ANK2: variants seen among roughly 807,000 people sequenced by gnomAD.
The protein encoded by ANK2 is ankyrin 2, also known as ankyrin-2.
ANK2 carries 83 observed loss-of-function variants against 360.5 expected under a neutral mutation model. The observed-to-expected ratio is 0.23, with a 90% CI of 0.19 to 0.28. The LOEUF (loss-of-function observed/expected upper bound fraction) is 0.28. ANK2 is among the 10% of genes least tolerant of loss of function. The probability of loss-of-function intolerance (pLI) is 1.00; values close to 1 mark genes in which losing one functional copy is unlikely to be tolerated. For missense variants in ANK2, 4,201 were observed against 4,795.7 expected, an observed-to-expected ratio of 0.88 and a Z score of 3.66; for synonymous variants, 1,740 against 1,759.5, an observed-to-expected ratio of 0.99 and a Z score of 0.28.
chr4:113,067,612 C>T (rs1358466844), intron 1 of ANK2, among the ~76,000 whole-genome samples: 2 of 152,128 alleles, frequency 1.3e-5, no homozygotes, highest in Admixed American at 6.6e-5. Context: ...AGGTGGAGGA[C>T]AGAGTCTTGG....
At chr4:113,009,325 A>G (rs971831506) in intron 2 of ANK2, among the ~76,000 whole-genome samples, 1 of 152,108 alleles carries the variant, frequency 6.6e-6, no homozygotes, top group Non-Finnish European at 1.5e-5. Flanking sequence ...TTTTAAATAT[A>G]TATTCACTAT....
chr4:113,363,645 A>C (rs966883969), intron 40 of ANK2, among the ~76,000 whole-genome samples, 176 bp downstream of exon 40: 3 of 152,196 alleles, frequency 2.0e-5, no homozygotes, highest in Non-Finnish European at 4.4e-5. Flanking sequence ...TGATGAGAAA[A>C]AAGAATCAAT....
intron 1 of ANK2, among the ~76,000 whole-genome samples, chr4:113,142,319 A>G (rs1401312299): frequency 1.3e-5 from 2 of 152,342 alleles, no homozygotes; most frequent in Non-Finnish European, 2.9e-5. Context: ...AGATAGAACT[A>G]GAAACGTTTT....
At chr4:112,743,820 C>T in the ANK2 span, among the ~76,000 whole-genome samples, 2 of 152,106 alleles carry the variant, frequency 1.3e-5, no homozygotes, top group South Asian at 2.1e-4. Context: ...GCTGGGATTA[C>T]AGGCGTGAGC....
rs143809157 is a variant in ANK2 at position 113,001,198 on chromosome 4, G to T, written c.21+96684G>T. 6.0e-3 allele frequency among the ~76,000 whole-genome samples: 917 copies of T among 152,104 alleles called. 12 individuals carry two copies. Among genetic ancestry groups the T allele is most frequent in the African/African-American group, 0.02 (832 of 41,462 alleles). On this transcript the variant is annotated intron_variant, in intron 2 of 30. Coordinates refer to the ANK2 transcript ENST00000503271. ...AGACAAAAATTAGCCGGGCATGTTG[G>T]CAGGTGCCTGTAATCCCAGCTACTC... is the stretch of plus-strand genomic sequence containing the variant.
At chr4:113,144,793 A>T (rs1228977597) in intron 1 of ANK2, among the ~76,000 whole-genome samples, 1 of 146,772 alleles carries the variant, frequency 6.8e-6, no homozygotes, top group Non-Finnish European at 1.5e-5. Context: ...AAACTATATA[A>T]TATATAAAAA....
At chr4:113,016,438 A>G (rs1355249432) in intron 2 of ANK2, among the ~76,000 whole-genome samples, 1 of 152,186 alleles carries the variant, frequency 6.6e-6, no homozygotes, top group Non-Finnish European at 1.5e-5. Context: ...ATGCAAAATT[A>G]TCACATATTT....
chr4:113,080,747 T>C (rs2082078835), intron 1 of ANK2, among the ~76,000 whole-genome samples: 1 of 152,228 alleles, frequency 6.6e-6, no homozygotes, highest in African/African-American at 2.4e-5. Flanking sequence ...GAGCAACCTA[T>C]TGAGTTTGTT....
chr4:113,223,317 T>C (rs1446147441), intron 4 of ANK2, among the ~76,000 whole-genome samples: 1 of 152,176 alleles, frequency 6.6e-6, no homozygotes, highest in Non-Finnish European at 1.5e-5. Context: ...AACTTAAATC[T>C]TGACGTTGAC....
chr4:112,812,662 A>G, the ANK2 span, among the ~76,000 whole-genome samples: 1 of 152,184 alleles, frequency 6.6e-6, no homozygotes, highest in African/African-American at 2.4e-5. Context: ...CCCAGACTAC[A>G]GATTTGTGAG....
At chr4:112,761,541 A>AC in the ANK2 span, among the ~76,000 whole-genome samples, 1 of 152,152 alleles carries the variant, frequency 6.6e-6, no homozygotes, top group Non-Finnish European at 1.5e-5. Flanking sequence ...AGTCGCTTGA[A>AC]CCAGGGAGGC....
chr4:113,213,882 G>T (rs377597680), intron 4 of ANK2, among the ~76,000 whole-genome samples: 1 of 151,788 alleles, frequency 6.6e-6, no homozygotes, highest in Non-Finnish European at 1.5e-5. Flanking sequence ...TCAATCCCTA[G>T]CCAGTGCAAT....
At chr4:113,117,479 A>G in intron 1 of ANK2, 1 of 445,524 alleles carries the variant, frequency 2.2e-6, no homozygotes, top group Non-Finnish European at 4.5e-6. Context: ...CATCAGCCTC[A>G]GAACTGGCAA....
intron 4 of ANK2, among the ~76,000 whole-genome samples, chr4:113,212,815 T>C (rs770944682): frequency 1.3e-5 from 2 of 152,220 alleles, no homozygotes; most frequent in Non-Finnish European, 2.9e-5. Context: ...TGTTACCAAA[T>C]TCAGCACTAG....
chr4:113,353,050 G>A lies in ANK2; in HGVS notation c.4432G>A (p.Glu1478Lys), dbSNP rs1183478602. Reference protein sequence around the residue: ...EIDMTSEKNDETESTETSVLK... With the variant: ...EIDMTSEKNDKTESTETSVLK... ...GTTTTTCATTCACATCAAAGATGAT[G>A]AGACAGAATCTACAGAAACATCTGT... Residue 1478 changes from glutamate to lysine, a missense_variant, in exon 38 of 46, where the codon GAG becomes AAG. Glu to Lys is a moderately conservative substitution (Grantham distance 56). Around this residue, in one of 4 missense-constraint regions of ANK2, gnomAD observed 1,268 missense variants for 1,650.8 expected, o/e 0.77. Coordinates refer to ENST00000357077, the MANE Select transcript of ANK2 (RefSeq NM_001148.6). The A allele has an allele frequency of 2.5e-6, 4 of 1,613,122 alleles. No individual in the cohort carries two copies. The highest frequency in any genetic ancestry group is 1.6e-4 in the Middle Eastern group (1 of 6,080).
chr4:112,885,796 CAAAAAAAAAAAAAAAA>C (rs750277917), intron 1 of ANK2, among the ~76,000 whole-genome samples: 1 of 26,974 alleles, frequency 3.7e-5, no homozygotes, highest in Admixed American at 6.0e-4. Flanking sequence ...GACTCTGTCT[CAAAAAAAAAAAAAAAA>C]AAAAAAAAAA....
chr4:113,251,242 G>T (rs2046172629), intron 10 of ANK2, among the ~76,000 whole-genome samples: 1 of 152,126 alleles, frequency 6.6e-6, no homozygotes, highest in African/African-American at 2.4e-5. Flanking sequence ...GAGTTTGCTT[G>T]TAATTGTCAT....
the ANK2 span, among the ~76,000 whole-genome samples, chr4:112,781,643 A>AT: frequency 6.6e-6 from 1 of 151,596 alleles, no homozygotes; most frequent in African/African-American, 2.4e-5. Flanking sequence ...CACAGACTCT[A>AT]TTTTTTTTAC....
chr4:113,185,861 T>G (rs2098511465), intron 2 of ANK2, among the ~76,000 whole-genome samples: 1 of 152,234 alleles, frequency 6.6e-6, no homozygotes, highest in Non-Finnish European at 1.5e-5. Context: ...TTTAAATTTT[T>G]AATCCATCTT....
Sources: gnomAD v4.1 joint callset for allele counts (sites outside exome capture counted in the v4.1 genomes callset) on GRCh38, gnomAD v4.1.1 for gene constraint, gnomAD v4.1.1 regional missense constraint, MANE v1.5 for transcripts, NCBI Gene and HGNC (gene_info 2026-07-23, HGNC 2026-07-21) for gene names.